The following ENOX1 variants were observed in gnomAD, a reference collection of about 807,000 sequenced individuals.
The protein encoded by ENOX1 is candidate growth-related and time keeping constitutive hydroquinone (NADH) oxidase.
ENOX1 carries 42 observed loss-of-function variants against 82.5 expected under a neutral mutation model. The observed-to-expected ratio is 0.51, with a 90% confidence interval of 0.40 to 0.66. The LOEUF is 0.66. ENOX1 is among the 30% of genes least tolerant of loss of function. The pLI, the probability that ENOX1 is intolerant of heterozygous loss-of-function variation, is 0.00. For missense variants in ENOX1, 608 were observed against 811.6 expected (o/e 0.75, Z 3.05); for synonymous variants, 271 against 282.2 (o/e 0.96, Z 0.40).
intron 16 of ENOX1, among the ~76,000 whole-genome samples, chr13:43,217,611 C>A (rs1388515235): frequency 6.6e-6 from 1 of 152,154 alleles, no homozygotes; most frequent in Non-Finnish European, 1.5e-5. Flanking sequence ...GCCCCCCTCA[C>A]TTGCTGGAGT....
chr13:43,339,309 G>A (rs2048922477), intron 9 of ENOX1, among the ~76,000 whole-genome samples: 1 of 152,164 alleles, frequency 6.6e-6, no homozygotes, highest in Non-Finnish European at 1.5e-5. Context: ...TGAGCCTATG[G>A]ATCCTTTCCA....
rs968478536 is a variant in ENOX1, at chr13:43,398,850, C to T, written c.208+13066G>A. The stretch of plus-strand genomic sequence containing the variant: ...GGTCTCTGTCACCCAGGCTGGAGTA[C>T]ACTAGCACGATCATGGTTCACTGTA... On this transcript the variant is annotated intron_variant, in intron 5 of 16. Coordinates refer to ENST00000690772, the MANE Select transcript of ENOX1 (RefSeq NM_001347969.2). Among the ~76,000 whole-genome samples, 11 of 149,468 alleles carry T rather than the reference C, an allele frequency of 7.4e-5. No homozygotes were observed. The East Asian group carries it at 2.0e-3, about 27-fold the overall frequency.
chr13:43,685,046 T>C (rs1000809500), intron 1 of ENOX1, among the ~76,000 whole-genome samples: 2 of 152,186 alleles, frequency 1.3e-5, no homozygotes, highest in East Asian at 3.9e-4. Flanking sequence ...GGCCTTACTG[T>C]GTAAATCATG....
At chr13:43,656,056 C>A (rs550707735) in intron 2 of ENOX1, among the ~76,000 whole-genome samples, 1 of 152,266 alleles carries the variant, frequency 6.6e-6, no homozygotes, top group Admixed American at 6.5e-5. Flanking sequence ...AGAAACCTCT[C>A]AAAAATTTAA....
intron 15 of ENOX1, among the ~76,000 whole-genome samples, chr13:43,229,783 G>A (rs1174331672): frequency 6.6e-6 from 1 of 152,172 alleles, no homozygotes; most frequent in Non-Finnish European, 1.5e-5. Flanking sequence ...GAGCAGTGAG[G>A]CTGGGGAAGA....
chr13:43,643,292 A>G (rs2083739135), intron 2 of ENOX1, among the ~76,000 whole-genome samples: 1 of 152,130 alleles, frequency 6.6e-6, no homozygotes, highest in African/African-American at 2.4e-5. Context: ...AGACAGACTA[A>G]TGATCGTGAT....
chr13:43,509,119 G>A (rs532064952), intron 2 of ENOX1, among the ~76,000 whole-genome samples: 1 of 151,902 alleles, frequency 6.6e-6, no homozygotes, highest in Non-Finnish European at 1.5e-5. Context: ...TCTGTGGTAG[G>A]AAATATCACA....
intron 2 of ENOX1, among the ~76,000 whole-genome samples, chr13:43,617,297 G>T (rs1425443246): frequency 1.3e-5 from 2 of 152,100 alleles, no homozygotes; most frequent in African/African-American, 4.8e-5. Context: ...GCTCCCTCTT[G>T]CTCTTTCCTT....
chr13:43,299,131 T>C (rs1235299583), intron 11 of ENOX1, among the ~76,000 whole-genome samples: 1 of 152,172 alleles, frequency 6.6e-6, no homozygotes, highest in Non-Finnish European at 1.5e-5. Flanking sequence ...AAAACTCTTT[T>C]CCTCTACAAG....
chr13:43,520,934 T>C (rs1471947715), intron 2 of ENOX1, among the ~76,000 whole-genome samples: 1 of 151,832 alleles, frequency 6.6e-6, no homozygotes, highest in African/African-American at 2.4e-5. Context: ...GGGAAGGGAG[T>C]AAGGGAAGCA....
intron 1 of ENOX1, among the ~76,000 whole-genome samples, chr13:43,761,854 G>C (rs1458013788): frequency 1.3e-5 from 2 of 152,132 alleles, no homozygotes; most frequent in Non-Finnish European, 2.9e-5. Flanking sequence ...AACAGGAAGA[G>C]AAAGAGCAAT....
intron 12 of ENOX1, among the ~76,000 whole-genome samples, chr13:43,288,972 G>T (rs2045855321): frequency 6.6e-6 from 1 of 152,024 alleles, no homozygotes; most frequent in African/African-American, 2.4e-5. Flanking sequence ...ACTTACAATA[G>T]CCACGAAGAA....
chr13:43,690,653 C>T (rs545465928), intron 1 of ENOX1, among the ~76,000 whole-genome samples: 3 of 152,260 alleles, frequency 2.0e-5, no homozygotes, highest in African/African-American at 4.8e-5. Context: ...GGAAAAACTC[C>T]GCAAGCAGCA....
chr13:43,480,996 T>C (rs1225480240), intron 3 of ENOX1, among the ~76,000 whole-genome samples: 2 of 152,276 alleles, frequency 1.3e-5, no homozygotes, highest in East Asian at 3.9e-4. Flanking sequence ...ACTCATTTTA[T>C]AAAGCCAGCA....
intron 9 of ENOX1, among the ~76,000 whole-genome samples, chr13:43,340,803 C>T (rs183523923): frequency 6.6e-6 from 1 of 152,222 alleles, no homozygotes; most frequent in African/African-American, 2.4e-5. Flanking sequence ...TTCCCTCCTG[C>T]CTGTCTTCTG....
chr13:43,765,076 C>T (rs111299326), intron 1 of ENOX1, among the ~76,000 whole-genome samples: 41 of 152,338 alleles, frequency 2.7e-4, no homozygotes, highest in African/African-American at 9.1e-4. Flanking sequence ...CTGACCTGTA[C>T]ATGGACCAAA....
chr13:43,378,184 A>G (rs2051775082), intron 5 of ENOX1, among the ~76,000 whole-genome samples: 1 of 152,220 alleles, frequency 6.6e-6, no homozygotes, highest in Non-Finnish European at 1.5e-5. Flanking sequence ...TGAAAGAAGT[A>G]AAACAAAGTG....
At chr13:43,757,132 TA>T (rs1950701075) in intron 1 of ENOX1, among the ~76,000 whole-genome samples, 1 of 152,160 alleles carries the variant, frequency 6.6e-6, no homozygotes, top group African/African-American at 2.4e-5. Context: ...TTATGAAAGA[TA>T]AAAATGTATG....
At position 43,354,088 on chromosome 13, in the gene ENOX1, G is replaced by GT. The variant is rs142718697; in HGVS notation, c.823+1830dup. 8.4e-3 allele frequency among the ~76,000 whole-genome samples: 1,278 copies of GT among 152,312 alleles called. 10 individuals are homozygous for GT. Among genetic ancestry groups the GT allele is most frequent in the Non-Finnish European group, 0.01 (700 of 68,018 alleles). On this transcript the variant is annotated intron_variant, in intron 8 of 16. Transcript: ENST00000690772. Reference sequence around the variant, plus strand: ...TCTAGGTGTGGACAAACTGAATACAGTTAGTCTGTGTAGATCATAATCTGA... The same window carrying GT: ...TCTAGGTGTGGACAAACTGAATACAGTTTAGTCTGTGTAGATCATAATCTGA...
Sources: gnomAD v4.1 joint callset for allele counts (sites outside exome capture counted in the v4.1 genomes callset) on GRCh38, gnomAD v4.1.1 for gene constraint, MANE v1.5 for transcripts, NCBI Gene and HGNC (gene_info 2026-07-23, HGNC 2026-07-21) for gene names.